Variants in KIF26B observed in about 807,000 individuals in gnomAD.
KIF26B encodes the protein kinesin family member 26B, also known as kinesin-like protein KIF26B.
KIF26B carries 63 observed loss-of-function variants against 151.2 expected under a neutral mutation model. The ratio of observed to expected loss-of-function variants is 0.42; its 90% CI spans 0.34 to 0.51. The LOEUF is 0.51. Ranked by LOEUF, KIF26B falls within the 20% of genes least tolerant of loss-of-function variation. The pLI, the probability that KIF26B is intolerant of heterozygous loss-of-function variation, is 0.07. For missense variants in KIF26B, 2,813 were observed against 2,913.6 expected, an observed-to-expected ratio of 0.97 and a Z score of 0.79; for synonymous variants, 1,357 against 1,262.1, an observed-to-expected ratio of 1.08 and a Z score of -1.59.
intron 4 of KIF26B, among the ~76,000 whole-genome samples, chr1:245,484,767 A>ATTATTATTAT (rs1476972186): frequency 6.7e-5 from 9 of 134,264 alleles, no homozygotes; most frequent in Middle Eastern, 3.9e-3. Flanking sequence ...CTTCTTCTTC[A>ATTATTATTAT]TATTATTATT....
chr1:245,572,366 A>G lies in KIF26B; in HGVS notation c.1351-30211A>G, dbSNP rs2043073811. Among the ~76,000 whole-genome samples, 1 of 152,098 alleles carries G rather than the reference A, an allele frequency of 6.6e-6. No homozygotes were observed. The stretch of plus-strand genomic sequence containing the variant: ...CTGGGGGATTCATCACTTAGCTCCC[A>G]ACTCTTATTGGGAGCAGAAGTGCCA... On this transcript the variant is annotated intron_variant, in intron 5 of 14. Coordinates refer to ENST00000407071, the MANE Select transcript of KIF26B (RefSeq NM_018012.4). This position sits in a 1 kb window ranked among gnomAD's most constrained non-coding sequence, Gnocchi z 4.2.
At chr1:245,592,512 G>C (rs1234607697) in intron 5 of KIF26B, among the ~76,000 whole-genome samples, 2 of 152,218 alleles carry the variant, frequency 1.3e-5, no homozygotes, top group South Asian at 4.1e-4. Flanking sequence ...TAAGATACGA[G>C]AAAAGTCTGT....
At chr1:245,583,018 G>A (rs1017969129) in intron 5 of KIF26B, among the ~76,000 whole-genome samples, 3 of 152,062 alleles carry the variant, frequency 2.0e-5, no homozygotes, top group South Asian at 2.1e-4. Flanking sequence ...CCCAGCCAGC[G>A]TAACCACCCC....
At chr1:245,688,830 G>A (rs2044580425) in intron 12 of KIF26B, 23 bp downstream of exon 12, 1 of 1,545,892 alleles carries the variant, frequency 6.5e-7, no homozygotes, top group Non-Finnish European at 8.7e-7. Flanking sequence ...GCGCAGGGAC[G>A]CGGGTGAGGA....
chr1:245,243,256 G>A (rs1260383871), intron 2 of KIF26B, among the ~76,000 whole-genome samples: 1 of 152,108 alleles, frequency 6.6e-6, no homozygotes, highest in Admixed American at 6.5e-5. Context: ...TGGGTGAGAA[G>A]TGCTATCTCA....
At chr1:245,225,642 C>T (rs1669859227) in intron 2 of KIF26B, among the ~76,000 whole-genome samples, 1 of 152,204 alleles carries the variant, frequency 6.6e-6, no homozygotes, top group Non-Finnish European at 1.5e-5. Flanking sequence ...CTTCCAAGTC[C>T]TGTGCAGGTG....
At chr1:245,654,959 G>C (rs2044057676) in intron 10 of KIF26B, among the ~76,000 whole-genome samples, 1 of 152,244 alleles carries the variant, frequency 6.6e-6, no homozygotes, top group Non-Finnish European at 1.5e-5. Context: ...GCTAAGAATA[G>C]AAGCTTTGGG....
At chr1:245,191,967 T>C (rs1391927190) in intron 2 of KIF26B, among the ~76,000 whole-genome samples, 1 of 152,218 alleles carries the variant, frequency 6.6e-6, no homozygotes, top group East Asian at 1.9e-4. Flanking sequence ...GATAAATTAA[T>C]ACCATTTTGG....
At chr1:245,436,594 T>C (rs1357227197) in intron 4 of KIF26B, among the ~76,000 whole-genome samples, 4 of 152,194 alleles carry the variant, frequency 2.6e-5, no homozygotes, top group Non-Finnish European at 1.5e-5. Flanking sequence ...GGCCTTCAAC[T>C]GATTGGATGA....
chr1:245,256,399 A>G (rs914972004), intron 2 of KIF26B, among the ~76,000 whole-genome samples: 2 of 152,200 alleles, frequency 1.3e-5, no homozygotes, highest in African/African-American at 2.4e-5. Flanking sequence ...AGGGACCTTC[A>G]TCTTCCCTGA....
At chr1:245,165,043 C>T (rs1306528860) in intron 2 of KIF26B, among the ~76,000 whole-genome samples, 1 of 148,262 alleles carries the variant, frequency 6.7e-6, no homozygotes, top group Non-Finnish European at 1.5e-5. Context: ...TGCACTCCAG[C>T]GTGGGTGACG....
rs546238047 is a variant in KIF26B, at chr1:245,520,976, C to T, written c.1167-19791C>T. Among the ~76,000 whole-genome samples the T allele has an allele frequency of 3.1e-4, 47 of 152,172 alleles. No homozygotes were observed. The South Asian group carries it at 9.5e-3, about 31-fold the overall frequency. On this transcript the variant is annotated intron_variant, in intron 4 of 14. Coordinates refer to ENST00000407071, the MANE Select transcript of KIF26B (RefSeq NM_018012.4). ...ATTTTAGTTGGTGTGGATATGGAGGCAGAAAAGCAAGGATACTGGTGAACC... is the reference window on the plus strand; with the variant it reads ...ATTTTAGTTGGTGTGGATATGGAGGTAGAAAAGCAAGGATACTGGTGAACC...
At chr1:245,469,700 A>G (rs1093920) in intron 4 of KIF26B, among the ~76,000 whole-genome samples, 124,302 of 152,126 alleles carry the variant, frequency 0.82, 51,084 homozygotes, top group African/African-American at 0.9. Flanking sequence ...ACACAAACTG[A>G]TAAAAACGTA....
At chr1:245,343,789 G>A (rs1485972977) in intron 2 of KIF26B, among the ~76,000 whole-genome samples, 2 of 152,210 alleles carry the variant, frequency 1.3e-5, no homozygotes, top group African/African-American at 4.8e-5. Context: ...CTGTAAAGGA[G>A]AAGAATTGGC....
Position 245,609,328 on chromosome 1 carries a change from G to A in KIF26B, c.1714G>A (p.Ala572Thr). ...SMQNLGIIPC[A>T]ISWLFKLINE... The stretch of plus-strand genomic sequence containing the variant: ...GCAGAACCTGGGCATCATTCCCTGT[G>A]CCATCTCTTGGCTCTTCAAGCTCAT... Residue 572 changes from alanine (A) to threonine (T), a missense_variant, in exon 8 of 15, where the codon GCC becomes ACC. Ala to Thr is a moderately conservative substitution (Grantham distance 58, BLOSUM62 0). Coordinates refer to ENST00000407071, the MANE Select transcript of KIF26B (RefSeq NM_018012.4). The A allele has an allele frequency of 1.9e-6, 3 of 1,611,084 alleles. No homozygotes were observed. The highest frequency in any genetic ancestry group is 2.5e-6 in the Non-Finnish European group (3 of 1,178,736).
intron 2 of KIF26B, among the ~76,000 whole-genome samples, chr1:245,273,416 C>CAAAAAAAAAAAAAAAAAAAAAAAAA (rs36085161): frequency 7.9e-6 from 1 of 127,052 alleles, no homozygotes. Context: ...AGACTTATCT[C>CAAAAAAAAAAAAAAAAAAAAAAAAA]AAAAAAAAAA....
rs1670282706 is a variant in KIF26B, at chr1:245,244,731, A to ACTTCTCACAG, written c.465+88048_465+88049insCTTCTCACAG. On this transcript the variant is annotated intron_variant, in intron 2 of 14. Transcript: ENST00000407071. The surrounding 1 kb of genome is among the most constrained non-coding windows in gnomAD (Gnocchi z 4.2). ...TTCAAACTATCTGAAAACGTTTGTG[A>ACTTCTCACAG]GAAGGAACACACAGACACGCACACT... 7.0e-6 allele frequency among the ~76,000 whole-genome samples: 1 copy of ACTTCTCACAG among 142,578 alleles called. No homozygotes were observed. The highest frequency in any genetic ancestry group is 1.5e-5 in the Non-Finnish European group (1 of 65,608). The allele number at this position is 142,578 out of a possible 152,430, so 93.5% of individuals were successfully genotyped here.
intron 2 of KIF26B, among the ~76,000 whole-genome samples, chr1:245,286,679 GTTATA>G (rs775614682): frequency 9.4e-4 from 143 of 152,272 alleles, no homozygotes; most frequent in Non-Finnish European, 1.7e-3. Context: ...TAGATCTTTT[GTTATA>G]TTTACAAGAA....
intron 3 of KIF26B, among the ~76,000 whole-genome samples, chr1:245,407,409 A>T (rs993144211): frequency 6.6e-6 from 1 of 151,948 alleles, no homozygotes; most frequent in African/African-American, 2.4e-5. Flanking sequence ...CCCGCTTCCC[A>T]TCTCTTTGTG....
Sources: allele counts gnomAD v4.1 joint callset (sites outside exome capture counted in the v4.1 genomes callset), GRCh38; gene constraint gnomAD v4.1.1; non-coding constraint Gnocchi (gnomAD v3.1); transcripts MANE v1.5; gene names NCBI Gene and HGNC (gene_info 2026-07-23, HGNC 2026-07-21).